GREB1L: variants seen among roughly 807,000 people sequenced by gnomAD.
GREB1L encodes the protein GREB1 like retinoic acid receptor coactivator, also known as GREB1-like protein.
A neutral mutation model predicts 200.8 loss-of-function variants in GREB1L; 17 were observed. That is an observed-to-expected ratio of 0.08 (90% CI 0.06 to 0.13). GREB1L has a LOEUF of 0.13. Among genes scored for constraint, GREB1L ranks in the 10% least tolerant of loss-of-function variants. The probability of loss-of-function intolerance (pLI) is 1.00; values close to 1 mark genes in which losing one functional copy is unlikely to be tolerated. For synonymous variants in GREB1L, 789 were observed against 893.0 expected (o/e 0.88, Z 2.08); for missense variants, 1,657 against 2,367.7 (o/e 0.70, Z 6.23).
At chr18:21,393,448 C>T (rs1201493994) in intron 4 of GREB1L, among the ~76,000 whole-genome samples, 3 of 151,976 alleles carry the variant, frequency 2.0e-5, no homozygotes, top group Non-Finnish European at 4.4e-5. Context: ...ATGCATGTGC[C>T]ACCATGCCTA....
chr18:21,473,190 A>T lies in GREB1L; in HGVS notation c.2342A>T (p.Asn781Ile). The change falls in exon 16 of 33, where the codon AAC (asparagine) becomes ATC (isoleucine). Residue 781 changes from asparagine (N) to isoleucine (I), a missense_variant. By Grantham distance (149) the Asn-to-Ile change is moderately radical. Coordinates refer to ENST00000424526, the MANE Select transcript of GREB1L (RefSeq NM_001142966.3). ...PYTLFVLVHD[N>I]SHVELTSVIS... ...ACACTGTTTGTGCTAGTTCATGACA[A>T]CTCCCATGTGGAACTAACGAGGTGA... 6.5e-7 allele frequency: 1 copy of T among 1,535,328 alleles called. No individual in the cohort carries two copies.
At chr18:21,277,960 TTACTCTAGG>T (rs2038196557) in intron 1 of GREB1L, among the ~76,000 whole-genome samples, 1 of 152,186 alleles carries the variant, frequency 6.6e-6, no homozygotes, top group Non-Finnish European at 1.5e-5. Context: ...AATGTTCTCC[TTACTCTAGG>T]GCCTGCTGAT....
At chr18:21,486,780 A>C (rs1416828098) in intron 18 of GREB1L, among the ~76,000 whole-genome samples, 1 of 152,108 alleles carries the variant, frequency 6.6e-6, no homozygotes. Context: ...GCCCTCCACA[A>C]TATTCTGTTT....
intron 1 of GREB1L, among the ~76,000 whole-genome samples, chr18:21,248,511 A>G (rs1309515210): frequency 3.3e-5 from 5 of 152,222 alleles, no homozygotes; most frequent in South Asian, 2.1e-4. Flanking sequence ...AACATTATTA[A>G]TAATCAAAGA....
chr18:21,285,982 G>C (rs1212317850), intron 1 of GREB1L, among the ~76,000 whole-genome samples: 2 of 152,134 alleles, frequency 1.3e-5, no homozygotes, highest in East Asian at 3.8e-4. Flanking sequence ...TTCTCAAATG[G>C]TCTGTGATGA....
At chr18:21,471,694 A>G (rs1177417665) in intron 15 of GREB1L, among the ~76,000 whole-genome samples, 11 of 142,718 alleles carry the variant, frequency 7.7e-5, no homozygotes, top group Non-Finnish European at 1.2e-4. Context: ...TGATCTCGGC[A>G]CACCGCAACC....
At chr18:21,431,439 T>A (rs746185440) in intron 7 of GREB1L, among the ~76,000 whole-genome samples, 1 of 152,244 alleles carries the variant, frequency 6.6e-6, no homozygotes, top group Non-Finnish European at 1.5e-5. Flanking sequence ...AATTTTCTTC[T>A]GTTATTGATT....
In GREB1L at chr18:21,383,556, G is replaced by T. The variant is rs747256801; in HGVS notation, c.38G>T (p.Arg13Leu). The change falls in exon 3 of 33, where the codon CGA becomes CTA. Residue 13 changes from arginine (R) to leucine (L), a missense_variant. Around this residue, in one of 9 missense-constraint regions of GREB1L, gnomAD observed 121 missense variants for 126.6 expected, o/e 0.96. Coordinates refer to ENST00000424526, the MANE Select transcript of GREB1L (RefSeq NM_001142966.3). ...NSYAGQLKSA[R>L]FEEALHNSIE... ...TATGCTGGGCAACTGAAATCTGCTC[G>T]ATTTGAGGAAGCTCTCCACAACTCC... 1 of 1,546,740 alleles carries T rather than the reference G, an allele frequency of 6.5e-7. No homozygotes were observed. The highest frequency in any genetic ancestry group is 8.7e-7 in the Non-Finnish European group (1 of 1,145,570).
At chr18:21,285,963 G>C (rs548273205) in intron 1 of GREB1L, among the ~76,000 whole-genome samples, 18 of 152,194 alleles carry the variant, frequency 1.2e-4, no homozygotes, top group Non-Finnish European at 1.8e-4. Flanking sequence ...TAGTATGTTA[G>C]AGCAGTGCTT....
chr18:21,388,582 C>T (rs1224631210), intron 4 of GREB1L, among the ~76,000 whole-genome samples: 1 of 142,428 alleles, frequency 7.0e-6, no homozygotes, highest in African/African-American at 2.7e-5. Flanking sequence ...TGCTCTATCG[C>T]CCAGGCTGGA....
At chr18:21,290,799 T>C (rs2038436162) in intron 1 of GREB1L, among the ~76,000 whole-genome samples, 1 of 130,852 alleles carries the variant, frequency 7.6e-6, no homozygotes, top group African/African-American at 3.0e-5. Flanking sequence ...CACTCCAGCC[T>C]GGGCAACAGA....
At chr18:21,328,760 G>A (rs961263486) in intron 1 of GREB1L, among the ~76,000 whole-genome samples, 4 of 152,004 alleles carry the variant, frequency 2.6e-5, no homozygotes, top group African/African-American at 9.7e-5. Flanking sequence ...CCACTTAGGG[G>A]GTTGTATGAA....
chr18:21,327,642 T>C (rs2039042040), intron 1 of GREB1L, among the ~76,000 whole-genome samples: 1 of 151,602 alleles, frequency 6.6e-6, no homozygotes, highest in Admixed American at 6.6e-5. Flanking sequence ...GGACTCCCTT[T>C]TATCTGTTAA....
At chr18:21,267,053 T>G (rs1435688120) in intron 1 of GREB1L, among the ~76,000 whole-genome samples, 1 of 150,834 alleles carries the variant, frequency 6.6e-6, no homozygotes, top group Admixed American at 6.6e-5. Flanking sequence ...CCTACCTCAG[T>G]CTGCTGACTA....
At chr18:21,310,816 A>T (rs771459759) in intron 1 of GREB1L, among the ~76,000 whole-genome samples, 1 of 152,238 alleles carries the variant, frequency 6.6e-6, no homozygotes, top group Non-Finnish European at 1.5e-5. Context: ...TTGTTAAAAA[A>T]ATAGAAAAAA....
chr18:21,435,917 C>T (rs1217085694), intron 7 of GREB1L, among the ~76,000 whole-genome samples: 3 of 152,012 alleles, frequency 2.0e-5, no homozygotes, highest in African/African-American at 4.8e-5. Context: ...TCATTTCAGT[C>T]GTCTCGGTGA....
intron 23 of GREB1L, among the ~76,000 whole-genome samples, chr18:21,501,732 T>C (rs1461817462): frequency 1.3e-5 from 2 of 152,252 alleles, no homozygotes; most frequent in African/African-American, 2.4e-5. Flanking sequence ...TCAGAGTATG[T>C]CTTATATTTT....
intron 1 of GREB1L, among the ~76,000 whole-genome samples, chr18:21,319,450 A>G (rs1241602394): frequency 6.6e-6 from 1 of 152,256 alleles, no homozygotes; most frequent in Non-Finnish European, 1.5e-5. Context: ...GGAAGGCCCT[A>G]TACTCTTATA....
At position 21,273,152 on chromosome 18, in the gene GREB1L, C is replaced by T. The variant is rs550679968; in HGVS notation, c.-120+30759C>T. On this transcript the variant is annotated intron_variant, in intron 1 of 32. Transcript: ENST00000424526. The stretch of plus-strand genomic sequence containing the variant: ...TGAGGCAGGGAGAATCGCTTGAACC[C>T]GGGAGGCGGAGGTTGCAGTGAGCTG... 1.5e-3 allele frequency among the ~76,000 whole-genome samples: 230 copies of T among 152,198 alleles called. 1 individual carries two copies. Among genetic ancestry groups the T allele is most frequent in the African/African-American group, 5.3e-3 (219 of 41,540 alleles).
Sources: gnomAD v4.1 joint callset for allele counts (sites outside exome capture counted in the v4.1 genomes callset) on GRCh38, gnomAD v4.1.1 for gene constraint, gnomAD v4.1.1 regional missense constraint, MANE v1.5 for transcripts, NCBI Gene and HGNC (gene_info 2026-07-23, HGNC 2026-07-21) for gene names.